PPP1R9A: variants seen among roughly 807,000 people sequenced by gnomAD.
The protein encoded by PPP1R9A is neurabin-1.
In PPP1R9A, 59 loss-of-function variants were observed where a neutral mutation model predicts 141.9. The ratio of observed to expected loss-of-function variants is 0.42; its 90% CI spans 0.34 to 0.52. The LOEUF (loss-of-function observed/expected upper bound fraction) is 0.52. Ranked by LOEUF, PPP1R9A falls within the 20% of genes least tolerant of loss-of-function variation. The pLI, the probability that PPP1R9A is intolerant of heterozygous loss-of-function variation, is 0.10. For missense variants in PPP1R9A, 1,444 were observed against 1,611.9 expected (o/e 0.90, Z 1.78); for synonymous variants, 500 against 569.7 (o/e 0.88, Z 1.74).
At chr7:95,003,647 T>C (rs1803233102) in intron 2 of PPP1R9A, among the ~76,000 whole-genome samples, 1 of 152,200 alleles carries the variant, frequency 6.6e-6, no homozygotes, top group Non-Finnish European at 1.5e-5. Flanking sequence ...ATTTGACCTA[T>C]AATGCTGGTT....
intron 2 of PPP1R9A, among the ~76,000 whole-genome samples, chr7:94,990,284 A>T (rs1801344501): frequency 6.6e-6 from 1 of 152,118 alleles, no homozygotes; most frequent in African/African-American, 2.4e-5. Flanking sequence ...CAGTTTTCTC[A>T]TGTGCAAAAT....
At chr7:94,968,055 G>T (rs978264072) in intron 2 of PPP1R9A, among the ~76,000 whole-genome samples, 1 of 152,164 alleles carries the variant, frequency 6.6e-6, no homozygotes, top group Non-Finnish European at 1.5e-5. Context: ...AAATCTCTTC[G>T]TAGGTCTCTA....
At chr7:95,157,506 AG>A (rs1326362665) in intron 4 of PPP1R9A, among the ~76,000 whole-genome samples, 2 of 152,106 alleles carry the variant, frequency 1.3e-5, no homozygotes, top group Non-Finnish European at 2.9e-5. Flanking sequence ...ACCCCACCTC[AG>A]AAGGAGAAGG....
At chr7:95,063,666 G>A (rs1333145536) in intron 2 of PPP1R9A, among the ~76,000 whole-genome samples, 3 of 152,150 alleles carry the variant, frequency 2.0e-5, no homozygotes, top group Non-Finnish European at 4.4e-5. Context: ...TGATAGGTTT[G>A]CATATTGGAT....
intron 2 of PPP1R9A, among the ~76,000 whole-genome samples, chr7:95,050,064 T>G (rs1318142318): frequency 6.6e-6 from 1 of 152,220 alleles, no homozygotes; most frequent in Admixed American, 6.5e-5. Context: ...TATTTAGTTT[T>G]GTACAAAATT....
At chr7:95,256,455 A>G (rs1429914665) in intron 12 of PPP1R9A, among the ~76,000 whole-genome samples, 2 of 152,164 alleles carry the variant, frequency 1.3e-5, no homozygotes, top group African/African-American at 2.4e-5. Flanking sequence ...AACTAAAAAT[A>G]TGGAGGAACT....
chr7:94,977,409 C>T (rs1799572445), intron 2 of PPP1R9A, among the ~76,000 whole-genome samples: 1 of 152,104 alleles, frequency 6.6e-6, no homozygotes, highest in Non-Finnish European at 1.5e-5. Flanking sequence ...AGTTAAGAAA[C>T]ATGTTTCAAG....
chr7:95,257,951 A>C (rs1175692301), intron 12 of PPP1R9A, among the ~76,000 whole-genome samples: 2 of 152,120 alleles, frequency 1.3e-5, no homozygotes, highest in East Asian at 3.8e-4. Flanking sequence ...AGTCTTTGCT[A>C]TTGTGAATAG....
At chr7:95,067,690 T>C (rs1405373110) in intron 2 of PPP1R9A, among the ~76,000 whole-genome samples, 1 of 138,174 alleles carries the variant, frequency 7.2e-6, no homozygotes, top group East Asian at 1.9e-4. Flanking sequence ...GCTCAACTCA[T>C]GTATGGCAAA....
chr7:95,077,977 T>G (rs2152254894), intron 2 of PPP1R9A, among the ~76,000 whole-genome samples: 1 of 44,132 alleles, frequency 2.3e-5, no homozygotes, highest in African/African-American at 4.7e-5. Context: ...TTCTACTCTG[T>G]TTTTTTTTTT....
At chr7:95,007,051 G>A (rs558319216) in intron 2 of PPP1R9A, among the ~76,000 whole-genome samples, 1 of 152,076 alleles carries the variant, frequency 6.6e-6, no homozygotes, top group East Asian at 1.9e-4. Flanking sequence ...TAGTAGAGAC[G>A]AGGTTTTACC....
At chr7:95,129,714 G>T (rs562755738) in intron 4 of PPP1R9A, among the ~76,000 whole-genome samples, 1 of 152,178 alleles carries the variant, frequency 6.6e-6, no homozygotes, top group African/African-American at 2.4e-5. Context: ...GAACAATAAG[G>T]TCCAGGCTGA....
intron 5 of PPP1R9A, among the ~76,000 whole-genome samples, chr7:95,168,946 T>A (rs1831689865): frequency 6.6e-6 from 1 of 151,994 alleles, no homozygotes; most frequent in South Asian, 2.1e-4. Context: ...GGGATATAAG[T>A]TAATACAGTC....
chr7:95,222,419 A>G (rs1235698278), intron 7 of PPP1R9A, among the ~76,000 whole-genome samples: 1 of 152,006 alleles, frequency 6.6e-6, no homozygotes, highest in African/African-American at 2.4e-5. Context: ...GTATGGTAAC[A>G]CCCATATCCC....
rs569513221 is a variant in PPP1R9A at position 95,292,036 on chromosome 7, G to A, written c.*1733G>A. On this transcript the variant is annotated 3_prime_UTR_variant, in exon 20 of 20. Coordinates refer to ENST00000433360, the MANE Select transcript of PPP1R9A (RefSeq NM_001166160.2). ...ATTGCCAGAGTATTGTCGGTTATGC[G>A]TCAGCTCTTTTGTCATTAGGTACAG... The A allele has an allele frequency of 1.4e-3, 220 of 152,118 alleles. No homozygotes were observed. The highest frequency in any genetic ancestry group is 5.0e-3 in the African/African-American group (207 of 41,484). 9.4% of individuals were successfully genotyped at this position (152,118 alleles called of 1,614,324 possible).
rs187138286 is a variant in PPP1R9A, at chr7:95,031,187, A to G, written c.1396-80072A>G. 1.9e-3 allele frequency among the ~76,000 whole-genome samples: 293 copies of G among 152,302 alleles called. 2 individuals are homozygous for G. Among genetic ancestry groups the G allele is most frequent in the African/African-American group, 6.6e-3 (274 of 41,560 alleles). ...TGGAAACTTGTTCTTCCTTTTGTTT[A>G]CTTTAATCAGTTGTAGGAGATAGTT... On this transcript the variant is annotated intron_variant, in intron 2 of 19. Transcript: ENST00000433360.
At chr7:94,968,666 T>C (rs1798520716) in intron 2 of PPP1R9A, among the ~76,000 whole-genome samples, 1 of 152,174 alleles carries the variant, frequency 6.6e-6, no homozygotes, top group Non-Finnish European at 1.5e-5. Flanking sequence ...CTGTGTCTTT[T>C]AATTGTGGCA....
chr7:95,224,054 C>T (rs1794814311), intron 7 of PPP1R9A, among the ~76,000 whole-genome samples: 1 of 151,968 alleles, frequency 6.6e-6, no homozygotes, highest in African/African-American at 2.4e-5. Flanking sequence ...TTTGTAGGAT[C>T]TCATTGTGCT....
chr7:95,018,804 G>A (rs1205087429), intron 2 of PPP1R9A, among the ~76,000 whole-genome samples: 11 of 152,144 alleles, frequency 7.2e-5, no homozygotes, highest in African/African-American at 2.4e-4. Context: ...ACTGCCTGAC[G>A]TGCTGAGAGT....
Sources: gnomAD v4.1 joint callset for allele counts (sites outside exome capture counted in the v4.1 genomes callset) on GRCh38, gnomAD v4.1.1 for gene constraint, MANE v1.5 for transcripts, NCBI Gene and HGNC (gene_info 2026-07-23, HGNC 2026-07-21) for gene names.